PLAA: variants seen among roughly 807,000 people sequenced by gnomAD.
The protein encoded by PLAA is phospholipase A2 activating protein, also known as phospholipase A-2-activating protein.
Under a neutral mutation model 84.1 loss-of-function variants are expected in PLAA, and 48 were observed. The ratio of observed to expected loss-of-function variants is 0.57; its 90% CI spans 0.45 to 0.73. The LOEUF (loss-of-function observed/expected upper bound fraction) is 0.73, where lower values mean the gene tolerates loss of function less well. PLAA is among the 30% of genes least tolerant of loss of function. PLAA has a pLI of 0.00. For synonymous variants in PLAA, 392 were observed against 336.6 expected (o/e 1.16, Z -1.80); for missense variants, 903 against 954.7 (o/e 0.95, Z 0.71).
chr9:26,906,314 T>TCTCAA (rs1824234165), intron 13 of PLAA, among the ~76,000 whole-genome samples: 1 of 151,782 alleles, frequency 6.6e-6, no homozygotes, highest in Non-Finnish European at 1.5e-5. Context: ...AAGGTAACTC[T>TCTCAA]CTCAAACAGC....
rs1824365405 is a variant in PLAA at position 26,910,446 on chromosome 9, AAAG to A, written c.1556-10_1556-8del. The A allele has an allele frequency of 6.3e-7, 1 of 1,589,166 alleles. No homozygotes were observed. The highest frequency in any genetic ancestry group is 1.3e-5 in the African/African-American group (1 of 74,512). ...GATCGGTAGGCACTATTCCCTATTT[AAAG>A]AATAGAAGATGATGATAATCACAAG... On this transcript the variant is annotated splice_region_variant and splice_polypyrimidine_tract_variant and intron_variant, in intron 11 of 13. Transcript: ENST00000397292.
chr9:26,933,717 A>C (rs964125477), intron 2 of PLAA, among the ~76,000 whole-genome samples: 5 of 138,880 alleles, frequency 3.6e-5, no homozygotes, highest in Non-Finnish European at 6.1e-5. Context: ...TGAGCCCGGG[A>C]GGCAGAGCTT....
chr9:26,934,697 C>T (rs1177392367), intron 2 of PLAA, among the ~76,000 whole-genome samples: 1 of 151,728 alleles, frequency 6.6e-6, no homozygotes, highest in Non-Finnish European at 1.5e-5. Context: ...CCAGGCTGGT[C>T]CGAACTCCTG....
At chr9:26,928,504 G>T (rs904004896) in intron 2 of PLAA, 96 bp from the exon 3 acceptor site, 32 of 844,344 alleles carry the variant, frequency 3.8e-5, no homozygotes, top group Middle Eastern at 6.2e-4. Context: ...AACACTCTTT[G>T]AAGTGGCAGT....
intron 11 of PLAA, among the ~76,000 whole-genome samples, chr9:26,911,373 G>A (rs142693863): frequency 6.6e-6 from 1 of 152,098 alleles, no homozygotes; most frequent in Non-Finnish European, 1.5e-5. Flanking sequence ...GGCTGGTCTC[G>A]AACTCCTGAC....
chr9:26,930,044 T>G (rs1563915893), intron 2 of PLAA, among the ~76,000 whole-genome samples: 1 of 152,188 alleles, frequency 6.6e-6, no homozygotes, highest in East Asian at 1.9e-4. Flanking sequence ...TTTAATTCTC[T>G]ACTACTGTGA....
chr9:26,907,826 T>TTA lies in PLAA; in HGVS notation c.1822+6_1822+7dup. 6.3e-7 allele frequency: 1 copy of TTA among 1,591,186 alleles called. No homozygotes were observed. The highest frequency in any genetic ancestry group is 8.5e-7 in the Non-Finnish European group (1 of 1,173,984). On this transcript the variant is annotated splice_region_variant and intron_variant, in intron 13 of 13. Transcript: ENST00000397292. Reference sequence around the variant, plus strand: ...TTCTGGTTACATTTTTGAAGAGTGTTTATTTACCTTCAGGACAGTTAATAG... The same window carrying TTA: ...TTCTGGTTACATTTTTGAAGAGTGTTTATATTTACCTTCAGGACAGTTAATAG...
intron 7 of PLAA, 145 bp downstream of exon 7, chr9:26,923,033 T>C (rs143141205): frequency 4.3e-4 from 242 of 563,146 alleles, no homozygotes; most frequent in African/African-American, 4.1e-3. Context: ...TGGTTTCTCA[T>C]AGTGATTATA....
Position 26,910,393 on chromosome 9 carries a change from A to G in PLAA, c.1602T>C (p.Tyr534=), listed in dbSNP as rs543116052. 32 of 1,613,486 alleles carry G rather than the reference A, an allele frequency of 2.0e-5. No individual in the cohort carries two copies. The East Asian group carries it at 6.5e-4, about 33-fold the overall frequency. ...RSAASKTMNI[Y]FPKKEAVTFD... ...ATGTGACAGCCTCTTTTTTAGGGAA[A>G]TAAATATTCATTGTTTTAGATGCAG... The change falls in exon 12 of 14, where the codon TAT becomes TAC. Residue 534 remains tyrosine (Y), a synonymous_variant. Coordinates refer to ENST00000397292, the MANE Select transcript of PLAA (RefSeq NM_001031689.3).
chr9:26,920,637 A>G (rs1027968555), intron 7 of PLAA, among the ~76,000 whole-genome samples: 3 of 152,200 alleles, frequency 2.0e-5, no homozygotes, highest in African/African-American at 7.2e-5. Flanking sequence ...CAAAAATAAA[A>G]CAAGTTTTAT....
chr9:26,928,692 T>C (rs186834489), intron 2 of PLAA, among the ~76,000 whole-genome samples: 2 of 152,288 alleles, frequency 1.3e-5, no homozygotes, highest in African/African-American at 4.8e-5. Context: ...GAGCGGAACT[T>C]AAGTGAGCTA....
rs867627716 is a variant in PLAA, at chr9:26,916,547, T to C, written c.1486+550A>G. On this transcript the variant is annotated intron_variant, in intron 10 of 13. Coordinates refer to ENST00000397292, the MANE Select transcript of PLAA (RefSeq NM_001031689.3). ...CTCCTGGGTAGTTGGGTGGAATGTC[T>C]CCTTCCATGTTAAGTCAAAATATGC... The C allele has an allele frequency of 3.4e-5, 34 of 986,934 alleles. No homozygotes were observed. The African/African-American group carries it at 4.5e-4, about 13-fold the overall frequency. The allele number at this position is 986,934 out of a possible 1,614,324, so 61.1% of individuals were successfully genotyped here. A position where few individuals can be genotyped will look rare whatever the true frequency, so the allele number is the denominator to read the frequency against.
chr9:26,907,036 G>GA (rs59918176), intron 13 of PLAA, among the ~76,000 whole-genome samples: 3,024 of 90,300 alleles, frequency 0.033, 83 homozygotes, highest in African/African-American at 0.074. Flanking sequence ...ACATTTTATT[G>GA]AAAAAAAAAA....
rs1270358344 is a variant in PLAA, at chr9:26,925,862, A to G, written c.832T>C (p.Cys278Arg). 6.2e-7 allele frequency: 1 copy of G among 1,614,078 alleles called. No individual in the cohort carries two copies. The highest frequency in any genetic ancestry group is 1.7e-5 in the Admixed American group (1 of 60,026). The change falls in exon 6 of 14, where the codon TGT (cysteine) becomes CGT (arginine). Residue 278 changes from cysteine to arginine, a missense_variant. Coordinates refer to ENST00000397292, the MANE Select transcript of PLAA (RefSeq NM_001031689.3). ...RLPAQSIWCC[C>R]VLDNGDIVVG... is the part of the protein sequence containing the mutation. Reference sequence around the variant, plus strand: ...ACAATGTCACCATTGTCGAGCACACAGCAGCACCATATAGACTGAGCTGGA... The same window carrying G: ...ACAATGTCACCATTGTCGAGCACACGGCAGCACCATATAGACTGAGCTGGA...
intron 13 of PLAA, 138 bp downstream of exon 13, chr9:26,907,696 T>C: frequency 1.4e-6 from 1 of 695,092 alleles, no homozygotes; most frequent in Non-Finnish European, 2.3e-6. Flanking sequence ...TAGTGAACCC[T>C]TTTCGTGAAG....
intron 10 of PLAA, among the ~76,000 whole-genome samples, chr9:26,914,197 G>C (rs535976741): frequency 2.0e-5 from 3 of 152,304 alleles, no homozygotes; most frequent in East Asian, 1.9e-4. Flanking sequence ...CTACAAAAAT[G>C]TAAGTGGATT....
intron 4 of PLAA, among the ~76,000 whole-genome samples, chr9:26,926,886 A>C (rs1824985961): frequency 6.6e-6 from 1 of 151,752 alleles, no homozygotes; most frequent in Non-Finnish European, 1.5e-5. Context: ...TAATTTATAA[A>C]ATATATAATA....
intron 10 of PLAA, chr9:26,915,788 C>T: frequency 1.0e-6 from 1 of 985,100 alleles, no homozygotes; most frequent in South Asian, 4.7e-5. Context: ...TTATAATGGC[C>T]CCAGGAGTTT....
At position 26,907,908 on chromosome 9, in the gene PLAA, A is replaced by G. The variant is rs761983430; in HGVS notation, c.1748T>C (p.Ile583Thr). ...LILLEKILSLICNSSSEKPTV... is the reference protein window; with the variant it reads ...LILLEKILSLTCNSSSEKPTV... ...GGGTTTTTCTGAAGAACTATTACAT[A>G]TTAGAGACAGTATCTTCTCAAGAAG... Residue 583 changes from isoleucine to threonine, a missense_variant, in exon 13 of 14, where the codon ATA (isoleucine) becomes ACA (threonine). Ile to Thr is a moderately conservative substitution (Grantham distance 89). Transcript: ENST00000397292. 1 of 1,612,078 alleles carries G rather than the reference A, an allele frequency of 6.2e-7. No individual in the cohort carries two copies. Among genetic ancestry groups the G allele is most frequent in the South Asian group, 1.1e-5 (1 of 90,594 alleles).
Sources: allele counts gnomAD v4.1 joint callset (sites outside exome capture counted in the v4.1 genomes callset), GRCh38; gene constraint gnomAD v4.1.1; transcripts MANE v1.5; gene names NCBI Gene and HGNC (gene_info 2026-07-23, HGNC 2026-07-21).